NTM: variants seen among roughly 807,000 people sequenced by gnomAD.
NTM encodes the protein neurotrimin, also known as IgLON family member 2.
Under a neutral mutation model 42.1 loss-of-function variants are expected in NTM, and 13 were observed. That is an observed-to-expected ratio of 0.31 (90% CI 0.20 to 0.49). The LOEUF (loss-of-function observed/expected upper bound fraction) is 0.49, where lower values mean the gene tolerates loss of function less well. Among genes scored for constraint, NTM ranks in the 20% least tolerant of loss-of-function variants. The probability of loss-of-function intolerance (pLI) is 0.99; values close to 1 mark genes in which losing one functional copy is unlikely to be tolerated. For synonymous variants in NTM, 187 were observed against 179.2 expected (o/e 1.04, Z -0.35); for missense variants, 373 against 452.8 (o/e 0.82, Z 1.60).
At chr11:131,777,581 G>T (rs1565534595) in intron 1 of NTM, among the ~76,000 whole-genome samples, 1 of 151,476 alleles carries the variant, frequency 6.6e-6, no homozygotes, top group East Asian at 2.0e-4. Context: ...TCTTGTTTCA[G>T]AAAAATGGCA....
chr11:132,199,737 A>AT (rs573130342), intron 3 of NTM, among the ~76,000 whole-genome samples: 22 of 149,842 alleles, frequency 1.5e-4, no homozygotes, highest in East Asian at 3.9e-4. Flanking sequence ...TTCACTTGTA[A>AT]TTTTTTTTTT....
chr11:131,390,937 T>A (rs1225350734), intron 1 of NTM, among the ~76,000 whole-genome samples: 1 of 152,128 alleles, frequency 6.6e-6, no homozygotes, highest in African/African-American at 2.4e-5. Flanking sequence ...AGGTGCTCAC[T>A]CAGGGTTCGT....
chr11:131,372,207 C>T (rs931568643), intron 1 of NTM, among the ~76,000 whole-genome samples: 2 of 152,118 alleles, frequency 1.3e-5, no homozygotes, highest in African/African-American at 4.8e-5. Context: ...TTGACTGGGG[C>T]TCGATGAAGA....
chr11:131,676,192 C>G (rs529342386), intron 1 of NTM, among the ~76,000 whole-genome samples: 33 of 152,204 alleles, frequency 2.2e-4, no homozygotes, highest in African/African-American at 7.9e-4. Context: ...AACAGGTGAA[C>G]ATAGGGAAGA....
At chr11:132,024,009 T>G (rs1005113575) in intron 2 of NTM, among the ~76,000 whole-genome samples, 3 of 151,888 alleles carry the variant, frequency 2.0e-5, no homozygotes, top group Non-Finnish European at 4.4e-5. Flanking sequence ...TTAGTAGAGA[T>G]GGGGTTTCAC....
intron 3 of NTM, among the ~76,000 whole-genome samples, chr11:132,173,305 T>A (rs1480972950): frequency 6.6e-6 from 1 of 152,230 alleles, no homozygotes; most frequent in Non-Finnish European, 1.5e-5. Context: ...TTATGACTAA[T>A]AAATCAAACC....
At chr11:131,571,991 T>C (rs1018843302) in intron 1 of NTM, among the ~76,000 whole-genome samples, 1 of 152,204 alleles carries the variant, frequency 6.6e-6, no homozygotes, top group Admixed American at 6.5e-5. Context: ...ACCACAGCAA[T>C]CTGAGACCCT....
At chr11:131,965,588 C>T (rs1381980544) in intron 2 of NTM, among the ~76,000 whole-genome samples, 1 of 152,134 alleles carries the variant, frequency 6.6e-6, no homozygotes, top group East Asian at 1.9e-4. Context: ...TTATTGTCCT[C>T]ATGCTAATGA....
At chr11:131,457,159 A>T (rs971256194) in intron 1 of NTM, among the ~76,000 whole-genome samples, 27 of 152,212 alleles carry the variant, frequency 1.8e-4, no homozygotes, top group African/African-American at 6.5e-4. Context: ...CCAGGATCCA[A>T]GTGACAACAG....
intron 2 of NTM, among the ~76,000 whole-genome samples, chr11:132,136,117 C>T (rs2067872785): frequency 6.6e-6 from 1 of 152,204 alleles, no homozygotes; most frequent in Admixed American, 6.5e-5. Flanking sequence ...CTTCTGTGGG[C>T]TCTACAGGAT....
At chr11:132,214,750 G>A (rs1246849153) in intron 4 of NTM, among the ~76,000 whole-genome samples, 1 of 152,126 alleles carries the variant, frequency 6.6e-6, no homozygotes, top group Non-Finnish European at 1.5e-5. Flanking sequence ...ACTTTTGCCT[G>A]AGCCTGGGCC....
intron 1 of NTM, among the ~76,000 whole-genome samples, chr11:131,521,597 A>T (rs991569838): frequency 1.3e-5 from 2 of 150,608 alleles, no homozygotes; most frequent in Non-Finnish European, 3.0e-5. Context: ...CCGTAGGGGG[A>T]CTCTTGTGGG....
At chr11:131,952,914 A>C (rs1479332969) in intron 2 of NTM, among the ~76,000 whole-genome samples, 1 of 152,230 alleles carries the variant, frequency 6.6e-6, no homozygotes, top group African/African-American at 2.4e-5. Flanking sequence ...ACAGAAAGGA[A>C]AGGCACCTTA....
intron 7 of NTM, 42 bp from the exon 8 acceptor site, chr11:132,330,110 CT>C: frequency 6.4e-7 from 1 of 1,550,512 alleles, no homozygotes; most frequent in East Asian, 2.4e-5. Flanking sequence ...GCATCTCCGT[CT>C]GCTTTCGACC....
intron 2 of NTM, among the ~76,000 whole-genome samples, chr11:132,108,473 G>A (rs1318338718): frequency 6.6e-6 from 1 of 152,184 alleles, no homozygotes; most frequent in Non-Finnish European, 1.5e-5. Context: ...ATAAGTGGGA[G>A]CTAAACTCTG....
intron 1 of NTM, among the ~76,000 whole-genome samples, chr11:131,465,669 T>G (rs1385879389): frequency 6.6e-6 from 1 of 152,232 alleles, no homozygotes; most frequent in African/African-American, 2.4e-5. Flanking sequence ...AATAAAGTAT[T>G]GAATTCCACA....
intron 2 of NTM, among the ~76,000 whole-genome samples, chr11:132,098,263 A>G (rs1169718825): frequency 8.8e-6 from 1 of 113,746 alleles, no homozygotes; most frequent in Non-Finnish European, 1.9e-5. Flanking sequence ...GCTGTGCTTG[A>G]TGTAATTAGT....
In NTM at chr11:132,127,077, C is replaced by T. The variant is rs564595210; in HGVS notation, c.168-19205C>T. Among the ~76,000 whole-genome samples the T allele has an allele frequency of 2.6e-3, 396 of 152,216 alleles. 1 individual carries two copies. Among genetic ancestry groups the T allele is most frequent in the Non-Finnish European group, 4.9e-3 (333 of 68,018 alleles). Reference sequence around the variant, plus strand: ...CAGGCCTTTGCTTTTCTGGTGCGTTCTCCCAAAACTCCTCCTATTTCAAAC... The same window carrying T: ...CAGGCCTTTGCTTTTCTGGTGCGTTTTCCCAAAACTCCTCCTATTTCAAAC... On this transcript the variant is annotated intron_variant, in intron 2 of 8. Coordinates refer to ENST00000683400, the MANE Select transcript of NTM (RefSeq NM_001352005.2).
chr11:132,135,852 C>A (rs1042151896), intron 2 of NTM, among the ~76,000 whole-genome samples: 6 of 152,246 alleles, frequency 3.9e-5, no homozygotes, highest in Middle Eastern at 3.4e-3. Context: ...AGGCCCCCAT[C>A]GAGGTGAGGG....
Sources: allele counts gnomAD v4.1 joint callset (sites outside exome capture counted in the v4.1 genomes callset), GRCh38; gene constraint gnomAD v4.1.1; transcripts MANE v1.5; gene names NCBI Gene and HGNC (gene_info 2026-07-23, HGNC 2026-07-21).